Variants in PLEKHM3 observed in about 807,000 individuals in gnomAD.
PLEKHM3 encodes pleckstrin homology domain-containing family M member 3.
Under a neutral mutation model 81.8 loss-of-function variants are expected in PLEKHM3, and 45 were observed. The ratio of observed to expected loss-of-function variants is 0.55; its 90% CI spans 0.43 to 0.71. The LOEUF is 0.71. Ranked by LOEUF, PLEKHM3 falls within the 30% of genes least tolerant of loss-of-function variation. The pLI, the probability that PLEKHM3 is intolerant of heterozygous loss-of-function variation, is 0.00. For synonymous variants in PLEKHM3, 352 were observed against 356.4 expected (o/e 0.99, Z 0.14); for missense variants, 788 against 924.3 (o/e 0.85, Z 1.91).
chr2:207,890,671 G>A (rs963236968), intron 6 of PLEKHM3, among the ~76,000 whole-genome samples: 4 of 152,098 alleles, frequency 2.6e-5, no homozygotes, highest in African/African-American at 9.7e-5. Flanking sequence ...TGTAAGACCT[G>A]ACAATAGAAA....
chr2:207,841,232 C>T (rs767735645), intron 7 of PLEKHM3, among the ~76,000 whole-genome samples: 8 of 150,472 alleles, frequency 5.3e-5, no homozygotes, highest in African/African-American at 1.7e-4. Flanking sequence ...TTTGGGAGGC[C>T]GAGGTGGGCA....
At chr2:207,866,918 C>T (rs532328698) in intron 6 of PLEKHM3, among the ~76,000 whole-genome samples, 1 of 152,196 alleles carries the variant, frequency 6.6e-6, no homozygotes, top group Admixed American at 6.6e-5. Context: ...TTTTAACATA[C>T]GATTGTTTTG....
intron 5 of PLEKHM3, among the ~76,000 whole-genome samples, chr2:207,924,793 T>G (rs1689331193): frequency 6.6e-6 from 1 of 152,098 alleles, no homozygotes; most frequent in African/African-American, 2.4e-5. Context: ...TTGGCTCCTG[T>G]GAAGGCTGGA....
chr2:207,921,794 A>T (rs1450987383), intron 5 of PLEKHM3, among the ~76,000 whole-genome samples: 2 of 152,358 alleles, frequency 1.3e-5, no homozygotes, highest in Non-Finnish European at 1.5e-5. Flanking sequence ...TTCACTTAAC[A>T]TAACATTGTA....
chr2:207,854,149 T>C (rs1457084800), intron 7 of PLEKHM3, among the ~76,000 whole-genome samples: 1 of 152,188 alleles, frequency 6.6e-6, no homozygotes, highest in African/African-American at 2.4e-5. Context: ...ATATTAGGTA[T>C]ATTTCTGAGG....
intron 7 of PLEKHM3, 136 bp downstream of exon 7, chr2:207,860,969 C>A (rs1040485322): frequency 3.0e-6 from 3 of 1,016,478 alleles, no homozygotes; most frequent in Non-Finnish European, 4.3e-6. Context: ...GAAACATGTT[C>A]TCCAAGAACA....
chr2:207,849,743 T>C (rs1685244131), intron 7 of PLEKHM3, among the ~76,000 whole-genome samples: 2 of 152,230 alleles, frequency 1.3e-5, no homozygotes, highest in Admixed American at 6.5e-5. Context: ...ACTTGTGTTA[T>C]GCTCCTCTAT....
At chr2:207,961,620 T>A (rs993190397) in intron 3 of PLEKHM3, among the ~76,000 whole-genome samples, 1 of 152,212 alleles carries the variant, frequency 6.6e-6, no homozygotes, top group Non-Finnish European at 1.5e-5. Context: ...AGCCAAGATT[T>A]AAGAAGGATA....
At chr2:207,963,700 T>A (rs898290740) in intron 3 of PLEKHM3, among the ~76,000 whole-genome samples, 1 of 152,214 alleles carries the variant, frequency 6.6e-6, no homozygotes, top group Non-Finnish European at 1.5e-5. Flanking sequence ...GGTAAAGAAT[T>A]CGGGCTAACT....
chr2:207,924,768 C>A (rs931003859), intron 5 of PLEKHM3, among the ~76,000 whole-genome samples: 4 of 152,186 alleles, frequency 2.6e-5, no homozygotes, highest in African/African-American at 9.7e-5. Context: ...TGCTAGCTCA[C>A]ATAAAGTTGC....
intron 1 of PLEKHM3, among the ~76,000 whole-genome samples, chr2:208,015,016 T>C (rs946332915): frequency 6.6e-6 from 1 of 152,250 alleles, no homozygotes; most frequent in South Asian, 2.1e-4. Flanking sequence ...ATATAGTTCT[T>C]ATAAGTTCTA....
intron 6 of PLEKHM3, among the ~76,000 whole-genome samples, chr2:207,896,544 A>C (rs1688229635): frequency 6.6e-6 from 1 of 152,222 alleles, no homozygotes; most frequent in Non-Finnish European, 1.5e-5. Context: ...ACTAAGACTT[A>C]ATGGAACAAA....
chr2:207,837,143 G>A (rs2092323836), intron 7 of PLEKHM3, among the ~76,000 whole-genome samples: 1 of 152,148 alleles, frequency 6.6e-6, no homozygotes, highest in African/African-American at 2.4e-5. Flanking sequence ...ATTTGTTATT[G>A]TGTAAGTAAA....
chr2:207,926,701 GA>G (rs892775237), intron 5 of PLEKHM3, among the ~76,000 whole-genome samples: 53 of 152,170 alleles, frequency 3.5e-4, no homozygotes, highest in Non-Finnish European at 5.9e-5. Context: ...AAGCTTCGGG[GA>G]GGACACTGAC....
chr2:207,841,496 T>G (rs1306805225), intron 7 of PLEKHM3, among the ~76,000 whole-genome samples: 1 of 125,520 alleles, frequency 8.0e-6, no homozygotes, highest in African/African-American at 3.0e-5. Flanking sequence ...TATATATATA[T>G]ATATATATAT....
intron 2 of PLEKHM3, among the ~76,000 whole-genome samples, chr2:207,982,870 G>A (rs917896992): frequency 1.1e-4 from 16 of 151,974 alleles, no homozygotes; most frequent in Non-Finnish European, 7.4e-5. Context: ...GAGCCACCGC[G>A]CCCGGCCTGA....
At chr2:207,842,367 C>T (rs902497107) in intron 7 of PLEKHM3, among the ~76,000 whole-genome samples, 1 of 152,170 alleles carries the variant, frequency 6.6e-6, no homozygotes, top group Non-Finnish European at 1.5e-5. Context: ...AGATGCTTTT[C>T]ATTTTTATAT....
chr2:207,990,624 T>C (rs1244164546), intron 2 of PLEKHM3, among the ~76,000 whole-genome samples: 1 of 152,178 alleles, frequency 6.6e-6, no homozygotes, highest in African/African-American at 2.4e-5. Context: ...CTGCCACACA[T>C]GTCCATAGCA....
At chr2:207,983,655 C>A (rs536733570) in intron 2 of PLEKHM3, among the ~76,000 whole-genome samples, 2 of 151,926 alleles carry the variant, frequency 1.3e-5, no homozygotes, top group Non-Finnish European at 2.9e-5. Flanking sequence ...AGACTTGGTT[C>A]TGTTCCTCCT....
Sources: allele counts gnomAD v4.1 joint callset (sites outside exome capture counted in the v4.1 genomes callset), GRCh38; gene constraint gnomAD v4.1.1; transcripts MANE v1.5; gene names NCBI Gene and HGNC (gene_info 2026-07-23, HGNC 2026-07-21).